The following TRDN variants were observed in gnomAD, a reference collection of about 807,000 sequenced individuals.
The protein encoded by TRDN is triadin in skeletal muscle.
Under a neutral mutation model 149.7 loss-of-function variants are expected in TRDN, and 161 were observed. That is an observed-to-expected ratio of 1.08 (90% CI 0.95 to 1.23). The LOEUF is 1.23. Ranked by LOEUF, TRDN falls within the 50% of genes most tolerant of loss-of-function variation. The probability of loss-of-function intolerance (pLI) is 0.00; values close to 1 mark genes in which losing one functional copy is unlikely to be tolerated. For synonymous variants in TRDN, 294 were observed against 250.5 expected (o/e 1.17, Z -1.64); for missense variants, 896 against 823.5 (o/e 1.09, Z -1.08).
rs113275120 is a variant in TRDN at position 123,464,042 on chromosome 6, G to A, written c.931+864C>T. Among the ~76,000 whole-genome samples the A allele has an allele frequency of 9.5e-3, 1,444 of 152,260 alleles. 19 individuals are homozygous for A. The highest frequency in any genetic ancestry group is 0.034 in the African/African-American group (1,394 of 41,556). ...CCCCTTTCTAGGGTGGCTGTGATCT[G>A]AGGAAGACCTCCATTTGTACTGTTG... is the stretch of plus-strand genomic sequence containing the variant. On this transcript the variant is annotated intron_variant, in intron 10 of 40. Transcript: ENST00000334268.
chr6:123,254,138 T>A (rs1416105494), intron 37 of TRDN, among the ~76,000 whole-genome samples: 4 of 152,116 alleles, frequency 2.6e-5, no homozygotes, highest in African/African-American at 9.7e-5. Flanking sequence ...CTAATTAATT[T>A]ATTTTTTTCT....
At chr6:123,233,421 A>C (rs371507350) in intron 38 of TRDN, among the ~76,000 whole-genome samples, 1 of 152,122 alleles carries the variant, frequency 6.6e-6, no homozygotes, top group Admixed American at 6.6e-5. Context: ...TGTAGGCAGC[A>C]CACAGTGAAG....
rs1178232742 is a variant in TRDN, at chr6:123,403,583, G to GA, written c.1052-9907dup. On this transcript the variant is annotated intron_variant, in intron 12 of 40. Coordinates refer to ENST00000334268, the MANE Select transcript of TRDN (RefSeq NM_006073.4). Reference sequence around the variant, plus strand: ...TCCCAGAATGTGTGGGAAGAAATAAGAAAAAAGCATAGGTATAAGTATCTG... The same window carrying GA: ...TCCCAGAATGTGTGGGAAGAAATAAGAAAAAAAGCATAGGTATAAGTATCTG... 3.9e-5 allele frequency among the ~76,000 whole-genome samples: 6 copies of GA among 152,044 alleles called. No individual in the cohort carries two copies. In the East Asian group the frequency reaches 1.2e-3, roughly 29 times the overall value.
chr6:123,230,501 C>G (rs962797495), intron 38 of TRDN, among the ~76,000 whole-genome samples: 1 of 150,890 alleles, frequency 6.6e-6, no homozygotes. Flanking sequence ...CAAACCTGCA[C>G]ATTGTGCACA....
intron 1 of TRDN, among the ~76,000 whole-genome samples, chr6:123,604,388 A>G (rs1426553237): frequency 2.6e-5 from 4 of 152,238 alleles, no homozygotes; most frequent in Admixed American, 2.6e-4. Flanking sequence ...CAAAATGGAG[A>G]GGGAAAAGGA....
chr6:123,480,172 A>G (rs934427025), intron 9 of TRDN, among the ~76,000 whole-genome samples: 1 of 151,146 alleles, frequency 6.6e-6, no homozygotes, highest in Admixed American at 6.6e-5. Context: ...TATTAGATTT[A>G]TGTATAAATT....
chr6:123,530,203 A>T (rs1234341948), intron 5 of TRDN, among the ~76,000 whole-genome samples: 2 of 152,042 alleles, frequency 1.3e-5, no homozygotes, highest in Admixed American at 1.3e-4. Flanking sequence ...AAAGAAAAAA[A>T]ATTATTTCCT....
intron 10 of TRDN, chr6:123,441,056 A>T (rs918179859): frequency 1.3e-5 from 2 of 152,160 alleles, no homozygotes; most frequent in African/African-American, 4.8e-5. Flanking sequence ...TCATTATGAG[A>T]CTTACTTTAT....
chr6:123,587,455 T>C (rs1783554392), intron 1 of TRDN, among the ~76,000 whole-genome samples: 1 of 152,144 alleles, frequency 6.6e-6, no homozygotes, highest in Non-Finnish European at 1.5e-5. Flanking sequence ...AAGAGTCTGC[T>C]TACCCGATTT....
intron 21 of TRDN, among the ~76,000 whole-genome samples, chr6:123,340,225 G>A (rs1780016054): frequency 6.6e-6 from 1 of 152,012 alleles, no homozygotes; most frequent in Admixed American, 6.6e-5. Context: ...TTATAACAGA[G>A]GATATCAGCC....
chr6:123,470,648 C>T (rs542412883), intron 9 of TRDN: 29 of 152,310 alleles, frequency 1.9e-4, no homozygotes, highest in South Asian at 8.3e-4. Flanking sequence ...CATGAACACA[C>T]GTAGAACATT....
At chr6:123,472,317 G>A (rs567452060) in intron 9 of TRDN, among the ~76,000 whole-genome samples, 1 of 152,214 alleles carries the variant, frequency 6.6e-6, no homozygotes, top group Non-Finnish European at 1.5e-5. Context: ...AGAAAGGGGT[G>A]ACGGACAGCA....
chr6:123,585,784 C>T (rs9490818), intron 1 of TRDN, among the ~76,000 whole-genome samples: 137,415 of 151,770 alleles, frequency 0.91, 62,348 homozygotes, highest in East Asian at 1. Flanking sequence ...TCTGGAGGAA[C>T]GCCTGCCCGC....
intron 2 of TRDN, among the ~76,000 whole-genome samples, chr6:123,557,288 G>A (rs965821055): frequency 6.6e-6 from 1 of 151,978 alleles, no homozygotes; most frequent in African/African-American, 2.4e-5. Context: ...CTCGGATCGG[G>A]GGACCTCCCT....
At chr6:123,469,352 A>T (rs996127727) in intron 9 of TRDN, among the ~76,000 whole-genome samples, 5 of 152,138 alleles carry the variant, frequency 3.3e-5, no homozygotes, top group Admixed American at 1.3e-4. Flanking sequence ...CCACTTAGGG[A>T]TGGAAAGAGG....
chr6:123,588,677 C>T (rs773527038), intron 1 of TRDN, among the ~76,000 whole-genome samples: 1 of 152,104 alleles, frequency 6.6e-6, no homozygotes, highest in Non-Finnish European at 1.5e-5. Flanking sequence ...AGTCTGAAGG[C>T]TATTCTAAAC....
intron 1 of TRDN, among the ~76,000 whole-genome samples, chr6:123,633,780 G>C (rs1269803703): frequency 6.6e-6 from 1 of 152,012 alleles, no homozygotes; most frequent in Non-Finnish European, 1.5e-5. Context: ...AAGTAAGCCA[G>C]CTTGGAACCT....
At chr6:123,607,141 TATTA>T (rs1384552754) in intron 1 of TRDN, among the ~76,000 whole-genome samples, 1 of 152,234 alleles carries the variant, frequency 6.6e-6, no homozygotes, top group Non-Finnish European at 1.5e-5. Context: ...TGGATTATTG[TATTA>T]ATTAGGGATT....
intron 8 of TRDN, chr6:123,498,583 T>C (rs1285565911): frequency 2.1e-6 from 1 of 471,098 alleles, no homozygotes; most frequent in East Asian, 7.0e-5. Context: ...TTCCATGCAT[T>C]GATTTGCCCT....
Sources: allele counts gnomAD v4.1 joint callset (sites outside exome capture counted in the v4.1 genomes callset), GRCh38; gene constraint gnomAD v4.1.1; transcripts MANE v1.5; gene names NCBI Gene and HGNC (gene_info 2026-07-23, HGNC 2026-07-21).